The following CSTF2 variants were observed in gnomAD, a reference collection of about 807,000 sequenced individuals.
CSTF2 encodes CF-1 64 kDa subunit.
Under a neutral mutation model 45.4 loss-of-function variants are expected in CSTF2, and 8 were observed. The observed-to-expected ratio is 0.18, with a 90% CI of 0.10 to 0.32. CSTF2 has a LOEUF of 0.32. Among genes scored for constraint, CSTF2 ranks in the 10% least tolerant of loss-of-function variants. CSTF2 has a pLI of 1.00. For missense variants in CSTF2, 253 were observed against 477.1 expected (o/e 0.53, Z 4.38); for synonymous variants, 155 against 158.9 (o/e 0.98, Z 0.18).
chrX:100,837,493 C>T (rs1010049883), intron 12 of CSTF2, 44 bp downstream of exon 12: 4 of 895,215 alleles, frequency 4.5e-6, no homozygotes, highest in Non-Finnish European at 6.4e-6. Context: ...CAATTCTAGC[C>T]TTTTTGATTC....
At chrX:100,828,609 C>T (rs909567417) in intron 8 of CSTF2, among the ~76,000 whole-genome samples, 3 of 111,982 alleles carry the variant, frequency 2.7e-5, no homozygotes, top group Admixed American at 9.4e-5. Flanking sequence ...AGGTCTGTAA[C>T]GCCTACTTAA....
In CSTF2 at chrX:100,832,115, G is replaced by A. The variant is rs576893931; in HGVS notation, c.1031+459G>A. Among the ~76,000 whole-genome samples the A allele has an allele frequency of 4.5e-5, 5 of 111,439 alleles. No individual in the cohort carries two copies. In the South Asian group the frequency reaches 1.9e-3, roughly 43 times the overall value. Reference sequence around the variant, plus strand: ...GCCTATAATTACAGCTACTGGGGAGGCTGAGGCAGGAGAATCGCTTGAACC... The same window carrying A: ...GCCTATAATTACAGCTACTGGGGAGACTGAGGCAGGAGAATCGCTTGAACC... On this transcript the variant is annotated intron_variant, in intron 9 of 13. Transcript: ENST00000372972.
intron 8 of CSTF2, chrX:100,830,956 C>T (rs2084972104): frequency 8.0e-6 from 6 of 745,446 alleles, no homozygotes; most frequent in Non-Finnish European, 1.2e-5. Context: ...GTCATCCTCG[C>T]GTTCAGAACC....
At chrX:100,836,969 A>G (rs910894878) in intron 11 of CSTF2, among the ~76,000 whole-genome samples, 15 of 111,961 alleles carry the variant, frequency 1.3e-4, no homozygotes, top group Admixed American at 1.2e-3. Context: ...GTGGACCAGC[A>G]TACATTTTCT....
In CSTF2 at chrX:100,822,237, G is replaced by T; in HGVS notation, c.138-14G>T. The T allele has an allele frequency of 8.3e-7, 1 of 1,198,974 alleles. No individual in the cohort carries two copies. Among genetic ancestry groups the T allele is most frequent in the Non-Finnish European group, 1.1e-6 (1 of 886,974 alleles). ...GTGTAACATTTGTTCCTGACACTTG[G>T]TTCTGCTCTCCAGATTGGTATACGA... On this transcript the variant is annotated splice_polypyrimidine_tract_variant and intron_variant, in intron 2 of 13. Transcript: ENST00000372972.
chrX:100,833,296 G>T lies in CSTF2; in HGVS notation c.1324G>T (p.Ala442Ser). ...ARAMEARAMEARAMEARAMEA... is the reference protein window; with the variant it reads ...ARAMEARAMESRAMEARAMEA... The stretch of plus-strand genomic sequence containing the variant: ...TGCAATGGAGGCCCGTGCGATGGAA[G>T]CTCGTGCAATGGAGGCCCGAGCGAT... The change falls in exon 11 of 14, where the codon GCT becomes TCT. Residue 442 changes from alanine (A) to serine (S), a missense_variant. Ala to Ser is a moderately conservative substitution (Grantham distance 99). Transcript: ENST00000372972. The T allele has an allele frequency of 1.7e-6, 2 of 1,210,002 alleles. No homozygotes were observed. The highest frequency in any genetic ancestry group is 1.1e-6 in the Non-Finnish European group (1 of 894,754).
intron 2 of CSTF2, 85 bp from the exon 3 acceptor site, chrX:100,822,166 G>T: frequency 1.4e-6 from 1 of 718,814 alleles, no homozygotes; most frequent in Non-Finnish European, 2.1e-6. Context: ...TTATGTTACA[G>T]TGGGCCCAAT....
intron 7 of CSTF2, among the ~76,000 whole-genome samples, chrX:100,827,302 A>G (rs750583440): frequency 3.1e-4 from 35 of 112,475 alleles, no homozygotes; most frequent in African/African-American, 1.1e-3. Flanking sequence ...TTTAAAAGCT[A>G]TGTACATTTA....
chrX:100,827,987 T>A, intron 7 of CSTF2, 53 bp from the exon 8 acceptor site: 1 of 1,060,703 alleles, frequency 9.4e-7, no homozygotes, highest in South Asian at 2.1e-5. Flanking sequence ...TTCTAATTTT[T>A]CTTTTCCGCT....
chrX:100,827,623 T>G (rs1293368388), intron 7 of CSTF2, among the ~76,000 whole-genome samples: 1 of 112,083 alleles, frequency 8.9e-6, no homozygotes, highest in Non-Finnish European at 1.9e-5. Flanking sequence ...AAGAAGAGAT[T>G]TTTTGAAGAA....
chrX:100,833,786 C>G (rs2084991342), intron 11 of CSTF2, among the ~76,000 whole-genome samples: 1 of 111,730 alleles, frequency 9.0e-6, no homozygotes, highest in African/African-American at 3.3e-5. Context: ...CGGTTTTTTC[C>G]AAGATATACT....
At chrX:100,825,885 C>T (rs1372109935) in intron 6 of CSTF2, among the ~76,000 whole-genome samples, 1 of 112,090 alleles carries the variant, frequency 8.9e-6, no homozygotes, top group Admixed American at 9.5e-5. Context: ...TATTTCTGAA[C>T]CTGGTTTTAT....
intron 1 of CSTF2, among the ~76,000 whole-genome samples, chrX:100,820,860 A>G (rs1452674826): frequency 8.9e-6 from 1 of 111,829 alleles, no homozygotes; most frequent in Non-Finnish European, 1.9e-5. Flanking sequence ...GTCCTCTCCT[A>G]AGGACTTTCA....
intron 11 of CSTF2, among the ~76,000 whole-genome samples, chrX:100,835,104 G>A (rs1358327435): frequency 1.8e-5 from 2 of 110,495 alleles, no homozygotes; most frequent in African/African-American, 6.6e-5. Flanking sequence ...AAAGATATAT[G>A]TATTAAGAAC....
intron 13 of CSTF2, among the ~76,000 whole-genome samples, chrX:100,838,908 C>A (rs1352165703): frequency 9.1e-6 from 1 of 110,125 alleles, no homozygotes; most frequent in African/African-American, 3.3e-5. Flanking sequence ...TTTTGGAGAT[C>A]GCTGTACCCT....
intron 8 of CSTF2, among the ~76,000 whole-genome samples, chrX:100,828,473 A>G (rs2084956717): frequency 8.9e-6 from 1 of 112,179 alleles, no homozygotes; most frequent in Non-Finnish European, 1.9e-5. Context: ...TTCCACTGAC[A>G]TGTTCTCTCT....
intron 13 of CSTF2, among the ~76,000 whole-genome samples, chrX:100,838,850 C>T (rs1215829821): frequency 1.8e-5 from 2 of 111,218 alleles, no homozygotes; most frequent in Non-Finnish European, 3.8e-5. Context: ...TATAGTAGCA[C>T]ATAATTTAAG....
rs767311661 is a variant in CSTF2, at chrX:100,826,508, A to G, written c.703-126A>G. 1.9e-5 allele frequency: 11 copies of G among 593,786 alleles called. No individual in the cohort carries two copies. The South Asian group carries it at 3.6e-4, about 19-fold the overall frequency. 48.9% of individuals were successfully genotyped at this position (593,786 alleles called of 1,213,427 possible). On this transcript the variant is annotated intron_variant, in intron 6 of 13. Transcript: ENST00000372972. ...AATCTAATGCTGCATAAGACATGCC[A>G]TACAAAAAGGATGTTTAGTAGTGTA...
chrX:100,826,925 G>C (rs3830149), intron 7 of CSTF2, among the ~76,000 whole-genome samples, 168 bp downstream of exon 7: 1 of 110,458 alleles, frequency 9.1e-6, no homozygotes, highest in African/African-American at 3.3e-5. Flanking sequence ...GTTAAATCCT[G>C]TATGTCTAAT....
Sources: allele counts gnomAD v4.1 joint callset (sites outside exome capture counted in the v4.1 genomes callset), GRCh38; gene constraint gnomAD v4.1.1; transcripts MANE v1.5; gene names NCBI Gene and HGNC (gene_info 2026-07-23, HGNC 2026-07-21).